RBCK1: variants seen among roughly 807,000 people sequenced by gnomAD.
The protein encoded by RBCK1 is RANBP2-type and C3HC4-type zinc finger containing 1.
A neutral mutation model predicts 71.1 loss-of-function variants in RBCK1; 44 were observed. That is an observed-to-expected ratio of 0.62 (90% CI 0.49 to 0.80). The LOEUF (loss-of-function observed/expected upper bound fraction) is 0.80. Ranked by LOEUF, RBCK1 falls within the 30% of genes least tolerant of loss-of-function variation. The pLI, the probability that RBCK1 is intolerant of heterozygous loss-of-function variation, is 0.00. For synonymous variants in RBCK1, 306 were observed against 279.7 expected, an observed-to-expected ratio of 1.09 and a Z score of -0.94; for missense variants, 569 against 685.0, an observed-to-expected ratio of 0.83 and a Z score of 1.89.
chr20:430,675 C>T lies in RBCK1; in HGVS notation c.*245C>T, dbSNP rs41279378. ...CCCAGCCTTAAACATAGCCCCTGGCCAGAGGCCTTGCTGGGTGGAGCCTCT... is the reference window on the plus strand; with the variant it reads ...CCCAGCCTTAAACATAGCCCCTGGCTAGAGGCCTTGCTGGGTGGAGCCTCT... On this transcript the variant is annotated 3_prime_UTR_variant, in exon 12 of 12. Coordinates refer to ENST00000356286, the MANE Select transcript of RBCK1 (RefSeq NM_031229.4). This position sits in a 1 kb window ranked among gnomAD's most constrained non-coding sequence, Gnocchi z 5.6. The T allele has an allele frequency of 0.063, 35,124 of 557,026 alleles. 1,529 individuals are homozygous for T. The highest frequency in any genetic ancestry group is 0.12 in the Admixed American group (3,907 of 32,068). 34.5% of individuals were successfully genotyped at this position (557,026 alleles called of 1,614,324 possible).
chr20:420,272 C>T (rs879768778), intron 6 of RBCK1: 350 of 984,854 alleles, frequency 3.6e-4, no homozygotes, highest in Admixed American at 1.2e-3. Context: ...CCCGGTCCTA[C>T]GCCTTAGCCC....
At position 430,229 on chromosome 20, in the gene RBCK1, T is replaced by C. The variant is rs2122347446; in HGVS notation, c.1453-121T>C. 7 of 836,910 alleles carry C rather than the reference T, an allele frequency of 8.4e-6. No homozygotes were observed. The highest frequency in any genetic ancestry group is 1.3e-5 in the Non-Finnish European group (7 of 521,160). 51.8% of individuals were successfully genotyped at this position (836,910 alleles called of 1,614,324 possible). On this transcript the variant is annotated intron_variant, in intron 11 of 11. Coordinates refer to ENST00000356286, the MANE Select transcript of RBCK1 (RefSeq NM_031229.4). This position sits in a 1 kb window ranked among gnomAD's most constrained non-coding sequence, Gnocchi z 5.6. ...TGACTCTCCATCAGGTAGCTGAGGC[T>C]GACCAGGCCATTCTTGCAGGAGGAC...
rs1438078445 is a variant in RBCK1, at chr20:421,030, A to C, written c.916A>C (p.Arg306=). ...VLRECLHTFC[R]ECLQGTIRNS... is the part of the protein sequence containing the mutation. The stretch of plus-strand genomic sequence containing the variant: ...GCGTGAGTGTCTGCACACCTTCTGC[A>C]GGTGCGGCCCCCAGTCCCACCCCCG... Residue 306 remains arginine (R), a splice_region_variant and synonymous_variant, in exon 7 of 12, where the codon AGG becomes CGG. Transcript: ENST00000356286. 3.2e-6 allele frequency: 5 copies of C among 1,549,550 alleles called. No individual in the cohort carries two copies. In the Admixed American group the frequency reaches 5.6e-5, roughly 17 times the overall value.
In RBCK1 at chr20:409,945, G is replaced by T; in HGVS notation, c.87G>T (p.Lys29Asn). ...GCGGGGATGAACAGGTGGCAATGAA[G>T]TGTGCCATCTGGCTGGCAGAGCAAC... Reference protein sequence around the residue: ...VAGGDEQVAMKCAIWLAEQRV... With the variant: ...VAGGDEQVAMNCAIWLAEQRV... The change falls in exon 2 of 12, where the codon AAG becomes AAT. Residue 29 changes from lysine to asparagine, a missense_variant. This residue lies in a region of RBCK1 where 358 missense variants were observed against 375.6 expected (regional missense o/e 0.95). Transcript: ENST00000356286. The T allele has an allele frequency of 6.2e-7, 1 of 1,614,128 alleles. No homozygotes were observed. The highest frequency in any genetic ancestry group is 8.5e-7 in the Non-Finnish European group (1 of 1,180,038).
intron 2 of RBCK1, among the ~76,000 whole-genome samples, chr20:413,641 TGG>T: frequency 6.6e-6 from 1 of 152,148 alleles, no homozygotes; most frequent in Non-Finnish European, 1.5e-5. Flanking sequence ...GTGTGGCCTG[TGG>T]ACCACAACAT....
In RBCK1 at chr20:408,633, G is replaced by A. The variant is rs1411676043; in HGVS notation, c.-125G>A. ...ACAGCGAGGCACACACAGGGCTTGG[G>A]CCGCGCCGGAGGCCACACGGCCTGG... is the stretch of plus-strand genomic sequence containing the variant. On this transcript the variant is annotated 5_prime_UTR_variant, in exon 1 of 12. Transcript: ENST00000356286. 7.7e-7 allele frequency: 1 copy of A among 1,290,804 alleles called. No individual in the cohort carries two copies. Among genetic ancestry groups the A allele is most frequent in the Admixed American group, 2.0e-5 (1 of 50,634 alleles). 80.0% of individuals were successfully genotyped at this position (1,290,804 alleles called of 1,614,324 possible). A position where few individuals can be genotyped will look rare whatever the true frequency, so the allele number is the denominator to read the frequency against.
chr20:429,147 TAGA>T, intron 11 of RBCK1, 53 bp downstream of exon 11: 1 of 1,559,698 alleles, frequency 6.4e-7, no homozygotes, highest in Non-Finnish European at 8.7e-7. Context: ...GGCTTTGCCT[TAGA>T]GGAGGGCTGG....
At chr20:410,972 C>G (rs2015672338) in intron 2 of RBCK1, among the ~76,000 whole-genome samples, 1 of 152,090 alleles carries the variant, frequency 6.6e-6, no homozygotes, top group African/African-American at 2.4e-5. Flanking sequence ...AATTTTAGAA[C>G]ATTTTCATCA....
intron 2 of RBCK1, chr20:410,367 A>G: frequency 1.3e-6 from 1 of 774,486 alleles, no homozygotes; most frequent in East Asian, 2.4e-5. Context: ...GACAGTCCTC[A>G]GAGGCTCATA....
In RBCK1 at chr20:417,954, C is replaced by G. The variant is rs368668838; in HGVS notation, c.460+24C>G. 1 of 1,592,006 alleles carries G rather than the reference C, an allele frequency of 6.3e-7. No individual in the cohort carries two copies. The highest frequency in any genetic ancestry group is 1.3e-5 in the African/African-American group (1 of 74,746). ...AGGTGAGGCTCTGCCCTGAGCACCG[C>G]CGGACCCAGCGGGGGCCCTGGACTC... On this transcript the variant is annotated intron_variant, in intron 4 of 11. Transcript: ENST00000356286. The surrounding 1 kb of genome is among the most constrained non-coding windows in gnomAD (Gnocchi z 4.7).
intron 2 of RBCK1, among the ~76,000 whole-genome samples, chr20:416,641 A>G (rs2016008039): frequency 1.3e-5 from 2 of 152,194 alleles, no homozygotes; most frequent in East Asian, 1.9e-4. Context: ...TGATTTTCCA[A>G]ACATGTTGGA....
Position 417,961 on chromosome 20 carries a change from C to T in RBCK1, c.460+31C>T. 6.3e-7 allele frequency: 1 copy of T among 1,585,642 alleles called. No homozygotes were observed. Among genetic ancestry groups the T allele is most frequent in the South Asian group, 1.1e-5 (1 of 89,440 alleles). ...GCTCTGCCCTGAGCACCGCCGGACC[C>T]AGCGGGGGCCCTGGACTCACTTGAG... is the stretch of plus-strand genomic sequence containing the variant. On this transcript the variant is annotated intron_variant, in intron 4 of 11. Transcript: ENST00000356286. This position sits in a 1 kb window ranked among gnomAD's most constrained non-coding sequence, Gnocchi z 4.7.
Position 417,238 on chromosome 20 carries a change from A to G in RBCK1, c.168-288A>G. 1.6e-6 allele frequency: 1 copy of G among 626,770 alleles called. No individual in the cohort carries two copies. The highest frequency in any genetic ancestry group is 3.1e-6 in the Non-Finnish European group (1 of 324,250). The allele number at this position is 626,770 out of a possible 1,614,324, so 38.8% of individuals were successfully genotyped here. ...CACTAAGGAGCAGGGGAGAGAAGAC[A>G]GAAGAGGTTGGAGAGGTCAGGGAGG... On this transcript the variant is annotated intron_variant, in intron 2 of 11. Transcript: ENST00000356286. The surrounding 1 kb of genome is among the most constrained non-coding windows in gnomAD (Gnocchi z 4.7).
At chr20:429,832 A>C (rs1337599088) in intron 11 of RBCK1, among the ~76,000 whole-genome samples, 1 of 152,152 alleles carries the variant, frequency 6.6e-6, no homozygotes, top group Non-Finnish European at 1.5e-5. Flanking sequence ...GCACATACTG[A>C]CTGTGTGATT....
intron 8 of RBCK1, among the ~76,000 whole-genome samples, chr20:423,902 C>T (rs923985645): frequency 6.6e-6 from 1 of 152,132 alleles, no homozygotes; most frequent in African/African-American, 2.4e-5. Context: ...TTCAATGTCT[C>T]ACCCACCAGC....
At chr20:429,196 A>C in intron 11 of RBCK1, 102 bp downstream of exon 11, 1 of 1,438,786 alleles carries the variant, frequency 7.0e-7, no homozygotes, top group African/African-American at 1.5e-5. Context: ...CCAACCCAGC[A>C]CCTGAATTTG....
chr20:410,284 C>A, intron 2 of RBCK1: 1 of 659,664 alleles, frequency 1.5e-6, no homozygotes, highest in Non-Finnish European at 2.8e-6. Context: ...AGGCCTTATA[C>A]AACAGAAGAA....
intron 4 of RBCK1, among the ~76,000 whole-genome samples, chr20:418,500 C>T (rs907463612): frequency 5.3e-5 from 8 of 152,266 alleles, no homozygotes; most frequent in South Asian, 2.1e-4. Context: ...TCCGGAGTAG[C>T]TGGGACTACA....
intron 9 of RBCK1, 61 bp downstream of exon 9, chr20:427,553 C>A (rs1600313002): frequency 1.3e-6 from 2 of 1,559,746 alleles, no homozygotes; most frequent in Non-Finnish European, 1.8e-6. Flanking sequence ...GCTCACCACA[C>A]TGCAGTGCGT....
Sources: allele counts gnomAD v4.1 joint callset (sites outside exome capture counted in the v4.1 genomes callset), GRCh38; gene constraint gnomAD v4.1.1; regional missense constraint gnomAD v4.1.1; non-coding constraint Gnocchi (gnomAD v3.1); transcripts MANE v1.5; gene names NCBI Gene and HGNC (gene_info 2026-07-23, HGNC 2026-07-21).